CEP192: variants seen among roughly 807,000 people sequenced by gnomAD.
CEP192 encodes centrosomal protein 192.
In CEP192, 151 loss-of-function variants were observed where a neutral mutation model predicts 271.8. The ratio of observed to expected loss-of-function variants is 0.56; its 90% confidence interval spans 0.49 to 0.64. CEP192 has a LOEUF of 0.64. Among genes scored for constraint, CEP192 ranks in the 30% least tolerant of loss-of-function variants. The probability of loss-of-function intolerance (pLI) is 0.00; values close to 1 mark genes in which losing one functional copy is unlikely to be tolerated. For missense variants in CEP192, 2,910 were observed against 3,020.5 expected (o/e 0.96, Z 0.86); for synonymous variants, 995 against 1,076.5 (o/e 0.92, Z 1.48).
Position 13,100,353 on chromosome 18 carries a change from T to G in CEP192, c.6712T>G (p.Leu2238Val). Reference sequence around the variant, plus strand: ...AGAAGATTTAACTCAAGTGGAACTTTTAACTCGTTTGACCTCCAAACCATT... The same window carrying G: ...AGAAGATTTAACTCAAGTGGAACTTGTAACTCGTTTGACCTCCAAACCATT... ...IREDLTQVELLTRLTSKPFGI... is the reference protein window; with the variant it reads ...IREDLTQVELVTRLTSKPFGI... Residue 2238 changes from leucine to valine, a missense_variant, in exon 38 of 45, where the codon TTA becomes GTA. Physicochemically the swap from Leu to Val is conservative, Grantham distance 32 (BLOSUM62 1). Transcript: ENST00000506447. The G allele has an allele frequency of 6.2e-7, 1 of 1,614,168 alleles. No homozygotes were observed. Among genetic ancestry groups the G allele is most frequent in the Middle Eastern group, 1.6e-4 (1 of 6,062 alleles).
intron 36 of CEP192, among the ~76,000 whole-genome samples, chr18:13,098,282 C>T (rs1407849940): frequency 6.6e-6 from 1 of 151,552 alleles, no homozygotes; most frequent in Admixed American, 6.6e-5. Flanking sequence ...GCTGACCCCC[C>T]ACCTCCCTCC....
chr18:13,081,602 A>AT (rs531476661), intron 30 of CEP192, among the ~76,000 whole-genome samples: 29 of 152,014 alleles, frequency 1.9e-4, no homozygotes, highest in African/African-American at 5.8e-4. Flanking sequence ...GGATTCATTG[A>AT]TTTTTTTGAA....
intron 39 of CEP192, 99 bp downstream of exon 39, chr18:13,103,687 A>G (rs2039822560): frequency 1.0e-6 from 1 of 993,612 alleles, no homozygotes; most frequent in Non-Finnish European, 1.6e-6. Flanking sequence ...ATTACTGGTT[A>G]TTTGCTTGTT....
In CEP192 at chr18:13,055,978, G is replaced by C. The variant is rs745863505; in HGVS notation, c.3388G>C (p.Val1130Leu). 6.2e-7 allele frequency: 1 copy of C among 1,614,204 alleles called. No homozygotes were observed. Among genetic ancestry groups the C allele is most frequent in the Non-Finnish European group, 8.5e-7 (1 of 1,180,030 alleles). ...TTCTCTGAGTAGCAAGCCTGAATAT[G>C]TAAAACCTGACTTTAGATGGAGTAA... ...TTSLSSKPEYVKPDFRWSKDP... is the reference protein window; with the variant it reads ...TTSLSSKPEYLKPDFRWSKDP... The change falls in exon 19 of 45, where the codon GTA becomes CTA. Residue 1130 changes from valine (V) to leucine (L), a missense_variant. Transcript: ENST00000506447.
chr18:13,067,173 C>T (rs746283272), intron 21 of CEP192, among the ~76,000 whole-genome samples: 71 of 152,114 alleles, frequency 4.7e-4, no homozygotes, highest in Non-Finnish European at 8.2e-4. Flanking sequence ...TGGCTATTTA[C>T]ATAGCATTTA....
At position 13,029,681 on chromosome 18, in the gene CEP192, G is replaced by C. The variant is rs139092436; in HGVS notation, c.1069G>C (p.Val357Leu). 2.0e-6 allele frequency: 3 copies of C among 1,519,950 alleles called. No homozygotes were observed. Among genetic ancestry groups the C allele is most frequent in the Non-Finnish European group, 2.7e-6 (3 of 1,127,480 alleles). The allele number at this position is 1,519,950 out of a possible 1,614,324, so 94.2% of individuals were successfully genotyped here. A position where few individuals can be genotyped will look rare whatever the true frequency, so the allele number is the denominator to read the frequency against. The change falls in exon 10 of 45, where the codon GTT (valine) becomes CTT (leucine). Residue 357 changes from valine to leucine, a missense_variant. Val to Leu is a conservative substitution (Grantham distance 32). Coordinates refer to ENST00000506447, the MANE Select transcript of CEP192 (RefSeq NM_032142.4). Reference protein sequence around the residue: ...DLNSECASKDVLVKTLRAIDV... With the variant: ...DLNSECASKDLLVKTLRAIDV... ...TTTAAAGGAATGTGCAAGTAAAGATGTTCTGGTGAAGACCCTCAGGGCTAT... is the reference window on the plus strand; with the variant it reads ...TTTAAAGGAATGTGCAAGTAAAGATCTTCTGGTGAAGACCCTCAGGGCTAT...
At chr18:13,035,504 A>G (rs1406471922) in intron 11 of CEP192, among the ~76,000 whole-genome samples, 4 of 152,196 alleles carry the variant, frequency 2.6e-5, no homozygotes, top group Admixed American at 1.3e-4. Flanking sequence ...TGAGAATAGC[A>G]TGGGAAAGAC....
rs200779293 is a variant in CEP192 at position 13,029,948 on chromosome 18, A to G, written c.1336A>G (p.Thr446Ala). Residue 446 changes from threonine (T) to alanine (A), a missense_variant, in exon 10 of 45, where the codon ACT becomes GCT. Physicochemically the swap from Thr to Ala is moderately conservative, Grantham distance 58 (BLOSUM62 0). Coordinates refer to ENST00000506447, the MANE Select transcript of CEP192 (RefSeq NM_032142.4). ...INFTDAIWSP[T>A]CERRTCECHE... The stretch of plus-strand genomic sequence containing the variant: ...TTTCACTGATGCCATTTGGTCACCA[A>G]CTTGTGAAAGGCGAACATGTGAATG... The G allele has an allele frequency of 4.1e-5, 63 of 1,551,548 alleles. No homozygotes were observed. The highest frequency in any genetic ancestry group is 3.7e-4 in the Admixed American group (19 of 50,990).
chr18:13,121,372 G>T (rs960719108), intron 44 of CEP192, among the ~76,000 whole-genome samples: 2 of 152,154 alleles, frequency 1.3e-5, no homozygotes, highest in East Asian at 1.9e-4. Flanking sequence ...CCACCGGAAG[G>T]CCTGGTGGGG....
At chr18:13,115,003 C>T (rs1385941282) in intron 42 of CEP192, among the ~76,000 whole-genome samples, 1 of 152,088 alleles carries the variant, frequency 6.6e-6, no homozygotes, top group Non-Finnish European at 1.5e-5. Context: ...GTAATTAGGT[C>T]TAATTAAGTT....
Position 13,073,033 on chromosome 18 carries a change from C to G in CEP192, c.5464C>G (p.Gln1822Glu), listed in dbSNP as rs1305587842. The change falls in exon 30 of 45, where the codon CAG (glutamine) becomes GAG (glutamate). Residue 1822 changes from glutamine to glutamate, a missense_variant. Coordinates refer to ENST00000506447, the MANE Select transcript of CEP192 (RefSeq NM_032142.4). ...GCTTCAGAACACTTTTGGTTCAGAA[C>G]AGCGATTGACCAGTAACTGTGAGAT... ...FQLQNTFGSE[Q>E]RLTSNCEIRI... 1 of 1,610,338 alleles carries G rather than the reference C, an allele frequency of 6.2e-7. No homozygotes were observed. Among genetic ancestry groups the G allele is most frequent in the East Asian group, 2.2e-5 (1 of 44,878 alleles).
intron 1 of CEP192, 108 bp from the exon 2 acceptor site, chr18:12,999,313 A>C: frequency 1.1e-6 from 1 of 879,990 alleles, no homozygotes; most frequent in Non-Finnish European, 1.6e-6. Flanking sequence ...AATGCTAAAA[A>C]AAGGATTTTT....
chr18:13,112,426 C>T (rs914223302), intron 40 of CEP192, among the ~76,000 whole-genome samples: 4 of 152,152 alleles, frequency 2.6e-5, no homozygotes, highest in Non-Finnish European at 5.9e-5. Context: ...ACAGGCAGAT[C>T]TATAGAGAGA....
chr18:13,051,297 A>G (rs963413765), intron 17 of CEP192, among the ~76,000 whole-genome samples: 1 of 152,140 alleles, frequency 6.6e-6, no homozygotes, highest in African/African-American at 2.4e-5. Context: ...AAAGGAGTCA[A>G]ACTAATACAA....
At chr18:13,094,265 C>T (rs954552124) in intron 34 of CEP192, among the ~76,000 whole-genome samples, 2 of 152,218 alleles carry the variant, frequency 1.3e-5, no homozygotes, top group African/African-American at 4.8e-5. Flanking sequence ...TCTTGTTCCT[C>T]ATCAAACTGT....
intron 44 of CEP192, chr18:13,124,398 G>T: frequency 2.6e-6 from 1 of 382,888 alleles, no homozygotes; most frequent in South Asian, 8.3e-5. Context: ...ATAGTTACTG[G>T]ATAGCCAGGA....
At chr18:13,084,994 T>G (rs998699044) in intron 30 of CEP192, among the ~76,000 whole-genome samples, 5 of 151,222 alleles carry the variant, frequency 3.3e-5, no homozygotes, top group African/African-American at 7.3e-5. Flanking sequence ...TTTTTGGGTT[T>G]TTTTTTTTTT....
chr18:13,032,249 T>G (rs1330346305), intron 11 of CEP192, among the ~76,000 whole-genome samples: 3 of 152,068 alleles, frequency 2.0e-5, no homozygotes, highest in Admixed American at 1.3e-4. Flanking sequence ...ATTTGATGGC[T>G]GGATTTCAGG....
At chr18:13,089,168 A>C (rs1207211955) in intron 32 of CEP192, among the ~76,000 whole-genome samples, 1 of 152,194 alleles carries the variant, frequency 6.6e-6, no homozygotes, top group Middle Eastern at 3.2e-3. Context: ...TCTAGCTGTA[A>C]CCAAATTATC....
Sources: gnomAD v4.1 joint callset for allele counts (sites outside exome capture counted in the v4.1 genomes callset) on GRCh38, gnomAD v4.1.1 for gene constraint, MANE v1.5 for transcripts, NCBI Gene and HGNC (gene_info 2026-07-23, HGNC 2026-07-21) for gene names.